PCDHGB4: variants seen among roughly 807,000 people sequenced by gnomAD.
The protein encoded by PCDHGB4 is protocadherin gamma subfamily B, 4.
PCDHGB4 carries 38 observed loss-of-function variants against 60.5 expected under a neutral mutation model. The ratio of observed to expected loss-of-function variants is 0.63; its 90% CI spans 0.48 to 0.82. The LOEUF (loss-of-function observed/expected upper bound fraction) is 0.82. Among genes scored for constraint, PCDHGB4 ranks in the 40% least tolerant of loss-of-function variants. PCDHGB4 has a pLI of 0.00. For synonymous variants in PCDHGB4, 456 were observed against 509.7 expected, an observed-to-expected ratio of 0.89 and a Z score of 1.42; for missense variants, 1,109 against 1,209.6, an observed-to-expected ratio of 0.92 and a Z score of 1.23.
At chr5:141,461,409 A>G (rs572412049) in intron 1 of PCDHGB4, among the ~76,000 whole-genome samples, 1 of 151,928 alleles carries the variant, frequency 6.6e-6, no homozygotes, top group East Asian at 1.9e-4. Flanking sequence ...GCATTTTTTC[A>G]TATGTTTGTG....
chr5:141,415,277 T>A lies in PCDHGB4; in HGVS notation c.2397+24996T>A, dbSNP rs533281226. 42 of 1,614,216 alleles carry A rather than the reference T, an allele frequency of 2.6e-5. No individual in the cohort carries two copies. In the South Asian group the frequency reaches 4.4e-4, roughly 17 times the overall value. On this transcript the variant is annotated intron_variant, in intron 1 of 3. Coordinates refer to ENST00000519479, the MANE Select transcript of PCDHGB4 (RefSeq NM_003736.4). Reference sequence around the variant, plus strand: ...CTCACTCTGTACCTGGTGGTAGCGGTGGCCGCGGTCTCCTGCGTCTTCCTG... The same window carrying A: ...CTCACTCTGTACCTGGTGGTAGCGGAGGCCGCGGTCTCCTGCGTCTTCCTG...
chr5:141,394,558 C>T (rs2093032633), intron 1 of PCDHGB4: 4 of 1,614,108 alleles, frequency 2.5e-6, no homozygotes, highest in Non-Finnish European at 3.4e-6. Flanking sequence ...CCCCGCTCCG[C>T]AGAGCGTGGC....
intron 1 of PCDHGB4, among the ~76,000 whole-genome samples, chr5:141,492,108 C>T (rs1331001233): frequency 2.6e-5 from 4 of 152,232 alleles, no homozygotes; most frequent in African/African-American, 9.6e-5. Flanking sequence ...TAGATTTCCT[C>T]TTCGATTTCT....
intron 1 of PCDHGB4, chr5:141,400,182 G>C (rs754765633): frequency 3.7e-6 from 6 of 1,614,072 alleles, no homozygotes; most frequent in Non-Finnish European, 5.1e-6. Flanking sequence ...CTGAGCTGCA[G>C]TTTTACCTAG....
chr5:141,497,374 T>C (rs2099776044), intron 2 of PCDHGB4, among the ~76,000 whole-genome samples: 1 of 152,112 alleles, frequency 6.6e-6, no homozygotes, highest in Non-Finnish European at 1.5e-5. Flanking sequence ...ATGTGTCCTC[T>C]GGGGTGAGCA....
At chr5:141,440,280 A>G (rs1389627767) in intron 1 of PCDHGB4, 1 of 152,220 alleles carries the variant, frequency 6.6e-6, no homozygotes, top group East Asian at 1.9e-4. Context: ...CAGCCTGACC[A>G]ACATAGTGAA....
intron 1 of PCDHGB4, among the ~76,000 whole-genome samples, chr5:141,447,527 A>C (rs1278828003): frequency 6.6e-6 from 1 of 152,224 alleles, no homozygotes; most frequent in East Asian, 1.9e-4. Flanking sequence ...TCATAACAAA[A>C]TTGTTGGGTT....
chr5:141,420,030 G>A (rs1269646706), intron 1 of PCDHGB4: 1 of 1,613,940 alleles, frequency 6.2e-7, no homozygotes, highest in Non-Finnish European at 8.5e-7. Flanking sequence ...CCTACTGCAG[G>A]AGACTGCTTT....
chr5:141,441,310 C>T (rs2098239133), intron 1 of PCDHGB4: 1 of 152,154 alleles, frequency 6.6e-6, no homozygotes, highest in Non-Finnish European at 1.5e-5. Context: ...AGAAAATGCA[C>T]CTTGAGAAAA....
In PCDHGB4 at chr5:141,448,771, T is replaced by C. The variant is rs564309379; in HGVS notation, c.2398-46036T>C. Among the ~76,000 whole-genome samples the C allele has an allele frequency of 6.6e-4, 100 of 151,738 alleles. 1 individual carries two copies. The highest frequency in any genetic ancestry group is 6.8e-3 in the Middle Eastern group (2 of 294). On this transcript the variant is annotated intron_variant, in intron 1 of 3. Coordinates refer to ENST00000519479, the MANE Select transcript of PCDHGB4 (RefSeq NM_003736.4). ...CTGGCTAACACGGTGAAACCCCGTCTGTACTAAAAATACAAAAAAAAAAAT... is the reference window on the plus strand; with the variant it reads ...CTGGCTAACACGGTGAAACCCCGTCCGTACTAAAAATACAAAAAAAAAAAT...
chr5:141,486,029 C>G lies in PCDHGB4; in HGVS notation c.2398-8778C>G. Reference sequence around the variant, plus strand: ...CACCTTTTATTTCAGTGGTCATACCCCTGATCGTGTAAGAAACCTCTTTAG... The same window carrying G: ...CACCTTTTATTTCAGTGGTCATACCGCTGATCGTGTAAGAAACCTCTTTAG... On this transcript the variant is annotated intron_variant, in intron 1 of 3. Transcript: ENST00000519479. The surrounding 1 kb of genome is among the most constrained non-coding windows in gnomAD (Gnocchi z 5.0). 6.2e-7 allele frequency: 1 copy of G among 1,614,016 alleles called. No homozygotes were observed. Among genetic ancestry groups the G allele is most frequent in the Non-Finnish European group, 8.5e-7 (1 of 1,179,900 alleles).
chr5:141,497,495 T>C (rs193075970), intron 2 of PCDHGB4, among the ~76,000 whole-genome samples: 28 of 151,186 alleles, frequency 1.9e-4, no homozygotes, highest in Admixed American at 1.7e-3. Context: ...TCTCTCTCTC[T>C]CCTCTCTCTG....
rs2099622509 is a variant in PCDHGB4 at position 141,485,988 on chromosome 5, G to T, written c.2398-8819G>T. On this transcript the variant is annotated intron_variant, in intron 1 of 3. Coordinates refer to ENST00000519479, the MANE Select transcript of PCDHGB4 (RefSeq NM_003736.4). The surrounding 1 kb of genome is among the most constrained non-coding windows in gnomAD (Gnocchi z 5.7). The stretch of plus-strand genomic sequence containing the variant: ...CTCAATGCCTCAGACCCGGACCTGG[G>T]TCCCAGTGGTAACGTCACCTTTTAT... 16 of 1,614,188 alleles carry T rather than the reference G, an allele frequency of 9.9e-6. No homozygotes were observed. The highest frequency in any genetic ancestry group is 1.4e-5 in the Non-Finnish European group (16 of 1,180,038).
chr5:141,462,477 G>A (rs1430561580), intron 1 of PCDHGB4, among the ~76,000 whole-genome samples: 1 of 151,828 alleles, frequency 6.6e-6, no homozygotes, highest in East Asian at 1.9e-4. Flanking sequence ...TCTGCTTCTC[G>A]TGGTTGTTGT....
chr5:141,459,444 T>C (rs1485634547), intron 1 of PCDHGB4, among the ~76,000 whole-genome samples: 1 of 152,244 alleles, frequency 6.6e-6, no homozygotes, highest in Non-Finnish European at 1.5e-5. Context: ...TTCATTCAAC[T>C]GTTGGTGGAC....
chr5:141,402,108 A>T (rs2094226699), intron 1 of PCDHGB4, among the ~76,000 whole-genome samples: 1 of 152,218 alleles, frequency 6.6e-6, no homozygotes, highest in African/African-American at 2.4e-5. Context: ...CAATTACAAA[A>T]ATGTGAAAAT....
rs962794399 is a variant in PCDHGB4, at chr5:141,449,958, AT to A, written c.2398-44841del. Among the ~76,000 whole-genome samples, 332 of 148,828 alleles carry A rather than the reference AT, an allele frequency of 2.2e-3. 1 individual carries two copies. The highest frequency in any genetic ancestry group is 6.8e-3 in the Admixed American group (101 of 14,904). Reference sequence around the variant, plus strand: ...GTATATTTTACTATACCTCATAGTAATTTTTTTTAGTCCAAAATATCACACA... The same window carrying A: ...GTATATTTTACTATACCTCATAGTAATTTTTTTAGTCCAAAATATCACACA... On this transcript the variant is annotated intron_variant, in intron 1 of 3. Coordinates refer to ENST00000519479, the MANE Select transcript of PCDHGB4 (RefSeq NM_003736.4).
At chr5:141,436,200 T>C (rs1266606536) in intron 1 of PCDHGB4, among the ~76,000 whole-genome samples, 1 of 152,014 alleles carries the variant, frequency 6.6e-6, no homozygotes, top group African/African-American at 2.4e-5. Context: ...AAGAAAGACA[T>C]AATAGGAAAA....
chr5:141,432,503 G>T lies in PCDHGB4; in HGVS notation c.2397+42222G>T, dbSNP rs939325676. 8.7e-6 allele frequency: 14 copies of T among 1,613,988 alleles called. No homozygotes were observed. The highest frequency in any genetic ancestry group is 1.3e-5 in the African/African-American group (1 of 74,930). ...TGGCGTGGAGCTGGCTCCCCGCTCC[G>T]CAGAGCCCGGCTACCTGGTGACCAA... On this transcript the variant is annotated intron_variant, in intron 1 of 3. Transcript: ENST00000519479. The surrounding 1 kb of genome is among the most constrained non-coding windows in gnomAD (Gnocchi z 6.0).
Sources: gnomAD v4.1 joint callset for allele counts (sites outside exome capture counted in the v4.1 genomes callset) on GRCh38, gnomAD v4.1.1 for gene constraint, Gnocchi (gnomAD v3.1) non-coding constraint, MANE v1.5 for transcripts, NCBI Gene and HGNC (gene_info 2026-07-23, HGNC 2026-07-21) for gene names.